The following RPS5 variants were observed in gnomAD, a reference collection of about 807,000 sequenced individuals.
RPS5 encodes the protein small ribosomal subunit protein uS7.
In RPS5, 2 loss-of-function variants were observed where a neutral mutation model predicts 20.9. The ratio of observed to expected loss-of-function variants is 0.10; its 90% CI spans 0.04 to 0.30. The LOEUF is 0.30. RPS5 is among the 10% of genes least tolerant of loss of function. The pLI, the probability that RPS5 is intolerant of heterozygous loss-of-function variation, is 1.00. For synonymous variants in RPS5, 112 were observed against 105.8 expected (o/e 1.06, Z -0.36); for missense variants, 122 against 287.2 (o/e 0.42, Z 4.16).
chr19:58,388,083 T>C (rs1019282092), intron 1 of RPS5, 54 bp from the exon 2 acceptor site: 3 of 1,278,834 alleles, frequency 2.3e-6, no homozygotes, highest in Non-Finnish European at 1.1e-6. Flanking sequence ...AGTGCGCCTT[T>C]GCTCCATGCT....
In RPS5 at chr19:58,391,218, G is replaced by T. The variant is rs150950985; in HGVS notation, c.109-1758G>T. On this transcript the variant is annotated intron_variant, in intron 2 of 5. Coordinates refer to ENST00000196551, the MANE Select transcript of RPS5 (RefSeq NM_001009.4). ...AGACTGAGGCGGGCAGATCATCTGAGGTCAGGGGTTTGAGACCAGCCTGGC... is the reference window on the plus strand; with the variant it reads ...AGACTGAGGCGGGCAGATCATCTGATGTCAGGGGTTTGAGACCAGCCTGGC... Among the ~76,000 whole-genome samples, 1,165 of 152,090 alleles carry T rather than the reference G, an allele frequency of 7.7e-3. 15 individuals are homozygous for T. The highest frequency in any genetic ancestry group is 0.041 in the Middle Eastern group (12 of 294).
intron 2 of RPS5, among the ~76,000 whole-genome samples, chr19:58,389,667 G>A (rs888006638): frequency 1.4e-4 from 21 of 151,138 alleles, no homozygotes; most frequent in African/African-American, 5.1e-4. Context: ...ACGGAGTTTC[G>A]CTCTTATTGC....
At chr19:58,390,992 C>T (rs1456721502) in intron 2 of RPS5, among the ~76,000 whole-genome samples, 1 of 152,174 alleles carries the variant, frequency 6.6e-6, no homozygotes, top group Non-Finnish European at 1.5e-5. Flanking sequence ...GCCTTGGGTA[C>T]ATTTTGTAAT....
At chr19:58,390,049 C>T (rs944100868) in intron 2 of RPS5, among the ~76,000 whole-genome samples, 2 of 151,916 alleles carry the variant, frequency 1.3e-5, no homozygotes, top group African/African-American at 4.8e-5. Context: ...CACATGCCAC[C>T]GCACCCAGCT....
chr19:58,391,432 CAAAAAAA>C (rs35576516), intron 2 of RPS5, among the ~76,000 whole-genome samples: 7 of 76,006 alleles, frequency 9.2e-5, no homozygotes, highest in Non-Finnish European at 1.4e-4. Flanking sequence ...AACTCCATCT[CAAAAAAA>C]AAAAAAAAAA....
chr19:58,393,264 T>TA, intron 3 of RPS5, 79 bp downstream of exon 3: 1 of 1,610,486 alleles, frequency 6.2e-7, no homozygotes, highest in Non-Finnish European at 8.5e-7. Context: ...GTCAGGCTTA[T>TA]CCCCTGTGTG....
Position 58,388,251 on chromosome 19 carries a change from G to A in RPS5, c.108+6G>A, listed in dbSNP as rs745578193. 1.3e-6 allele frequency: 2 copies of A among 1,599,438 alleles called. No individual in the cohort carries two copies. The highest frequency in any genetic ancestry group is 1.3e-5 in the African/African-American group (1 of 74,806). On this transcript the variant is annotated splice_donor_region_variant and intron_variant, in intron 2 of 5. Transcript: ENST00000196551. ...TCAATGACATTTCCCTGCAGGTGAG[G>A]GGAACTTGGTGATTGGCCTTCCTGG... is the stretch of plus-strand genomic sequence containing the variant.
intron 4 of RPS5, chr19:58,393,913 T>C: frequency 5.5e-6 from 1 of 182,110 alleles, no homozygotes; most frequent in Non-Finnish European, 1.1e-5. Context: ...GTCCCCAGAA[T>C]GCCAGAATGC....
In RPS5 at chr19:58,392,330, GAA is replaced by G. The variant is rs113119710; in HGVS notation, c.109-637_109-636del. Among the ~76,000 whole-genome samples the G allele has an allele frequency of 7.6e-4, 106 of 138,976 alleles. 1 individual carries two copies. The highest frequency in any genetic ancestry group is 4.5e-3 in the Middle Eastern group (1 of 224). 91.2% of individuals were successfully genotyped at this position (138,976 alleles called of 152,430 possible). On this transcript the variant is annotated intron_variant, in intron 2 of 5. Coordinates refer to ENST00000196551, the MANE Select transcript of RPS5 (RefSeq NM_001009.4). ...CAGCAAGACTCAGCCTCAAGGGGGG[GAA>G]AAAAAAAACTAGGCCAGGCGCAGTG...
intron 4 of RPS5, chr19:58,393,732 A>T: frequency 2.1e-6 from 1 of 469,736 alleles, no homozygotes; most frequent in Non-Finnish European, 3.7e-6. Flanking sequence ...CTGTGTGTAT[A>T]TGTACTTTTT....
intron 4 of RPS5, 67 bp from the exon 5 acceptor site, chr19:58,394,430 G>A: frequency 7.3e-7 from 1 of 1,378,004 alleles, no homozygotes; most frequent in Non-Finnish European, 1.0e-6. Context: ...GCATCAGTTG[G>A]GAGTGGCCCC....
intron 2 of RPS5, among the ~76,000 whole-genome samples, chr19:58,392,773 C>T (rs971600413): frequency 1.3e-5 from 2 of 152,100 alleles, no homozygotes; most frequent in African/African-American, 2.4e-5. Flanking sequence ...TACTTTTTAG[C>T]GACTTGGTAA....
intron 2 of RPS5, chr19:58,388,563 C>T (rs1206730712): frequency 2.2e-6 from 1 of 455,564 alleles, no homozygotes; most frequent in Non-Finnish European, 3.9e-6. Flanking sequence ...TATCCAGTAC[C>T]ATCTCCTAAA....
chr19:58,388,333 A>C, intron 2 of RPS5, 88 bp downstream of exon 2: 1 of 880,758 alleles, frequency 1.1e-6, no homozygotes, highest in Non-Finnish European at 1.9e-6. Context: ...TGTGCCATTA[A>C]GTCAAGAATA....
chr19:58,391,545 G>T (rs1375380388), intron 2 of RPS5, among the ~76,000 whole-genome samples: 1 of 151,860 alleles, frequency 6.6e-6, no homozygotes, highest in Non-Finnish European at 1.5e-5. Flanking sequence ...GGAGGTTGCA[G>T]TGAGCCAAGA....
chr19:58,388,302 G>T (rs1253080575), intron 2 of RPS5, 57 bp downstream of exon 2: 2 of 1,219,754 alleles, frequency 1.6e-6, no homozygotes, highest in African/African-American at 1.5e-5. Context: ...ATTCCAGGAA[G>T]GCACACATCA....
At chr19:58,394,634 G>T in intron 5 of RPS5, 39 bp downstream of exon 5, 1 of 1,613,664 alleles carries the variant, frequency 6.2e-7, no homozygotes, top group Non-Finnish European at 8.5e-7. Context: ...CTTAAGTTGG[G>T]CATTTGTGGG....
In RPS5 at chr19:58,393,619, C is replaced by G. The variant is rs2052378034; in HGVS notation, c.447+132C>G. On this transcript the variant is annotated intron_variant, in intron 4 of 5. Transcript: ENST00000196551. ...GCATCACTTCCTCTAGGAAGCCTTC[C>G]TGGATTCCCACCCTGCATAGGGGCT... The G allele has an allele frequency of 4.1e-6, 5 of 1,211,622 alleles. No homozygotes were observed. In the East Asian group the frequency reaches 1.3e-4, roughly 31 times the overall value. The allele number at this position is 1,211,622 out of a possible 1,614,324, so 75.1% of individuals were successfully genotyped here. A position where few individuals can be genotyped will look rare whatever the true frequency, so the allele number is the denominator to read the frequency against.
At chr19:58,388,871 C>T (rs1472110946) in intron 2 of RPS5, among the ~76,000 whole-genome samples, 7 of 152,034 alleles carry the variant, frequency 4.6e-5, no homozygotes, top group Non-Finnish European at 7.4e-5. Flanking sequence ...CCTCGTGATC[C>T]GCCCGTCTCG....
Sources: gnomAD v4.1 joint callset for allele counts (sites outside exome capture counted in the v4.1 genomes callset) on GRCh38, gnomAD v4.1.1 for gene constraint, MANE v1.5 for transcripts, NCBI Gene and HGNC (gene_info 2026-07-23, HGNC 2026-07-21) for gene names.